PABPC4L: variants seen among roughly 807,000 people sequenced by gnomAD.
PABPC4L encodes the protein poly(A) binding protein cytoplasmic 4 like, also known as polyadenylate-binding protein 4-like.
For synonymous variants in PABPC4L, 169 were observed against 164.1 expected, an observed-to-expected ratio of 1.03 and a Z score of -0.23; for missense variants, 452 against 451.4, an observed-to-expected ratio of 1.00 and a Z score of -0.01.
chr4:134,015,043 C>T, the PABPC4L span, among the ~76,000 whole-genome samples: 87 of 152,110 alleles, frequency 5.7e-4, no homozygotes, highest in African/African-American at 2.0e-3. Flanking sequence ...CTCTTTTATC[C>T]CCCCACCTTA....
At chr4:134,050,887 T>G in the PABPC4L span, among the ~76,000 whole-genome samples, 1 of 100,438 alleles carries the variant, frequency 1.0e-5, no homozygotes, top group East Asian at 2.0e-4. Flanking sequence ...TTTATTTTTT[T>G]TTTTTTTTTT....
the PABPC4L span, among the ~76,000 whole-genome samples, chr4:134,129,216 T>TA: frequency 6.6e-6 from 1 of 151,850 alleles, no homozygotes; most frequent in Non-Finnish European, 1.5e-5. Context: ...AACAGCAACA[T>TA]AATAATAGTG....
At chr4:134,094,256 T>C in the PABPC4L span, among the ~76,000 whole-genome samples, 1 of 151,974 alleles carries the variant, frequency 6.6e-6, no homozygotes, top group Non-Finnish European at 1.5e-5. Context: ...TATTGAAAGG[T>C]ATCCTCAACC....
chr4:133,964,110 A>G, the PABPC4L span, among the ~76,000 whole-genome samples: 1 of 152,168 alleles, frequency 6.6e-6, no homozygotes, highest in Non-Finnish European at 1.5e-5. Context: ...GAAAATCCAA[A>G]TAACCTCAAT....
the PABPC4L span, among the ~76,000 whole-genome samples, chr4:134,142,209 A>G: frequency 1.3e-5 from 2 of 151,700 alleles, no homozygotes; most frequent in East Asian, 3.9e-4. Flanking sequence ...TCATTGATTT[A>G]AAAAACACTG....
chr4:134,152,434 T>G, the PABPC4L span, among the ~76,000 whole-genome samples: 1 of 152,154 alleles, frequency 6.6e-6, no homozygotes, highest in South Asian at 2.1e-4. Flanking sequence ...GTGGCCCCAT[T>G]TCCACAGCTC....
At chr4:134,136,722 C>T in the PABPC4L span, among the ~76,000 whole-genome samples, 6 of 152,040 alleles carry the variant, frequency 3.9e-5, no homozygotes, top group East Asian at 9.7e-4. Flanking sequence ...GTATTTGCAG[C>T]GACTATGATC....
At chr4:133,968,316 A>G in the PABPC4L span, among the ~76,000 whole-genome samples, 1 of 152,194 alleles carries the variant, frequency 6.6e-6, no homozygotes, top group Admixed American at 6.5e-5. Context: ...AAACCAGAGG[A>G]GACAGACTGG....
At chr4:134,162,081 C>CGTTTTGTT in the PABPC4L span, among the ~76,000 whole-genome samples, 3 of 151,224 alleles carry the variant, frequency 2.0e-5, no homozygotes, top group African/African-American at 7.3e-5. Flanking sequence ...GTAACAAAGA[C>CGTTTTGTT]ACAAAAATAA....
chr4:133,983,701 A>G, the PABPC4L span, among the ~76,000 whole-genome samples: 3 of 151,828 alleles, frequency 2.0e-5, no homozygotes, highest in African/African-American at 4.8e-5. Context: ...ATAAACTTGG[A>G]ATATTTTGTA....
At chr4:134,075,580 A>G in the PABPC4L span, among the ~76,000 whole-genome samples, 1 of 152,140 alleles carries the variant, frequency 6.6e-6, no homozygotes, top group Non-Finnish European at 1.5e-5. Flanking sequence ...TTTATCCAAC[A>G]TATTCCCCCA....
At chr4:133,977,387 G>C in the PABPC4L span, among the ~76,000 whole-genome samples, 3 of 152,040 alleles carry the variant, frequency 2.0e-5, no homozygotes, top group African/African-American at 7.2e-5. Flanking sequence ...GATTGTCTTG[G>C]CTATATGAGC....
chr4:134,151,016 T>G, the PABPC4L span, among the ~76,000 whole-genome samples: 1 of 152,182 alleles, frequency 6.6e-6, no homozygotes, highest in East Asian at 1.9e-4. Context: ...ACATGTAAAG[T>G]GACTGAAGTC....
the PABPC4L span, among the ~76,000 whole-genome samples, chr4:134,177,341 A>T: frequency 1.3e-5 from 2 of 151,334 alleles, no homozygotes; most frequent in Non-Finnish European, 2.9e-5. Flanking sequence ...ATGCCCAACT[A>T]ATTTTTGTAT....
the PABPC4L span, among the ~76,000 whole-genome samples, chr4:134,020,352 A>T: frequency 6.6e-6 from 1 of 152,118 alleles, no homozygotes. Context: ...GTGATGAAGG[A>T]TTAATTTTCT....
At chr4:134,142,540 A>G in the PABPC4L span, among the ~76,000 whole-genome samples, 5 of 151,700 alleles carry the variant, frequency 3.3e-5, no homozygotes, top group South Asian at 8.3e-4. Flanking sequence ...TGTAGTATTT[A>G]TAAGGAAATA....
the PABPC4L span, among the ~76,000 whole-genome samples, chr4:134,138,034 A>T: frequency 6.6e-6 from 1 of 151,802 alleles, no homozygotes; most frequent in East Asian, 1.9e-4. Context: ...ATGATATCTA[A>T]GCCAGTATAT....
chr4:133,972,155 T>G, the PABPC4L span, among the ~76,000 whole-genome samples: 1 of 152,176 alleles, frequency 6.6e-6, no homozygotes, highest in African/African-American at 2.4e-5. Flanking sequence ...TAGATCCAGA[T>G]GGAGCTCCTT....
the PABPC4L span, among the ~76,000 whole-genome samples, chr4:134,047,974 G>T: frequency 6.6e-6 from 1 of 152,078 alleles, no homozygotes; most frequent in Non-Finnish European, 1.5e-5. Context: ...GGCAAAGATG[G>T]CTGAACACTG....
Sources: allele counts gnomAD v4.1 joint callset (sites outside exome capture counted in the v4.1 genomes callset), GRCh38; gene constraint gnomAD v4.1.1; transcripts MANE v1.5; gene names NCBI Gene and HGNC (gene_info 2026-07-23, HGNC 2026-07-21).